The following ADAM32 variants were observed in gnomAD, a reference collection of about 807,000 sequenced individuals.
ADAM32 encodes the protein disintegrin and metalloproteinase domain-containing protein 32.
ADAM32 carries 89 observed loss-of-function variants against 114.9 expected under a neutral mutation model. The observed-to-expected ratio is 0.77, with a 90% CI of 0.65 to 0.92. The LOEUF is 0.92. Ranked by LOEUF, ADAM32 falls within the 40% of genes least tolerant of loss-of-function variation. The pLI, the probability that ADAM32 is intolerant of heterozygous loss-of-function variation, is 0.00. For missense variants in ADAM32, 870 were observed against 932.8 expected (o/e 0.93, Z 0.88); for synonymous variants, 285 against 307.5 (o/e 0.93, Z 0.77).
intron 7 of ADAM32, among the ~76,000 whole-genome samples, chr8:39,164,434 C>T (rs1311745531): frequency 6.6e-6 from 1 of 152,134 alleles, no homozygotes; most frequent in Middle Eastern, 3.2e-3. Flanking sequence ...ATGTTATGGA[C>T]ATTCATGTAC....
chr8:39,266,167 T>C (rs542222497), intron 19 of ADAM32, among the ~76,000 whole-genome samples: 22 of 152,264 alleles, frequency 1.4e-4, no homozygotes, highest in African/African-American at 5.3e-4. Flanking sequence ...GTATGGTATC[T>C]CACAGAGGTT....
intron 19 of ADAM32, among the ~76,000 whole-genome samples, chr8:39,260,844 T>A (rs1811977083): frequency 6.6e-6 from 1 of 152,158 alleles, no homozygotes. Flanking sequence ...ATTATAAAAG[T>A]TTGGTAGAAT....
At chr8:39,181,942 G>T (rs559541586) in intron 10 of ADAM32, among the ~76,000 whole-genome samples, 1 of 152,162 alleles carries the variant, frequency 6.6e-6, no homozygotes, top group Non-Finnish European at 1.5e-5. Flanking sequence ...CAAGGCATAC[G>T]ATAAAATTGT....
chr8:39,119,056 G>A (rs1255047462), intron 2 of ADAM32, among the ~76,000 whole-genome samples: 2 of 152,138 alleles, frequency 1.3e-5, no homozygotes, highest in Non-Finnish European at 2.9e-5. Context: ...CCATTTTGTA[G>A]CATTTATCAG....
intron 11 of ADAM32, among the ~76,000 whole-genome samples, chr8:39,187,303 G>A (rs550978166): frequency 1.1e-4 from 16 of 152,216 alleles, no homozygotes; most frequent in South Asian, 8.3e-4. Flanking sequence ...ATGGAGTCTC[G>A]CTCTTTCGCC....
At chr8:39,189,591 ACATTTAT>A (rs984879438) in intron 11 of ADAM32, among the ~76,000 whole-genome samples, 2 of 152,146 alleles carry the variant, frequency 1.3e-5, no homozygotes, top group African/African-American at 2.4e-5. Context: ...GTCCTCTCAA[ACATTTAT>A]CATTTATTTG....
At chr8:39,236,927 G>C (rs1810188294) in intron 16 of ADAM32, among the ~76,000 whole-genome samples, 1 of 152,176 alleles carries the variant, frequency 6.6e-6, no homozygotes, top group South Asian at 2.1e-4. Flanking sequence ...TTTGCTGCAA[G>C]AACCACTGCA....
chr8:39,160,775 A>G (rs987706920), intron 6 of ADAM32, 122 bp from the exon 7 acceptor site: 4 of 841,564 alleles, frequency 4.8e-6, no homozygotes, highest in Non-Finnish European at 5.3e-6. Context: ...ATTTTAACCA[A>G]TTTGATAAAG....
intron 10 of ADAM32, among the ~76,000 whole-genome samples, chr8:39,173,440 T>C (rs1303938708): frequency 6.6e-6 from 1 of 152,212 alleles, no homozygotes; most frequent in Non-Finnish European, 1.5e-5. Flanking sequence ...GAGTTTTTTT[T>C]TTTCATGTTT....
In ADAM32 at chr8:39,149,677, A is replaced by G. The variant is rs28491462; in HGVS notation, c.277-114A>G. ...AATTTCACCTTACTTGTACTGATAT[A>G]AATCACGGAGCCTGTGAAAAATATT... On this transcript the variant is annotated intron_variant, in intron 4 of 24. Coordinates refer to ENST00000379907, the MANE Select transcript of ADAM32 (RefSeq NM_145004.7). The G allele has an allele frequency of 6.1e-4, 452 of 736,216 alleles. 1 individual carries two copies. In the African/African-American group the frequency reaches 6.7e-3, roughly 11 times the overall value. 45.6% of individuals were successfully genotyped at this position (736,216 alleles called of 1,614,324 possible).
chr8:39,145,273 A>G (rs941847359), intron 3 of ADAM32, among the ~76,000 whole-genome samples: 1 of 152,222 alleles, frequency 6.6e-6, no homozygotes, highest in African/African-American at 2.4e-5. Context: ...CAAAATTCCA[A>G]TGACATTTTT....
At chr8:39,189,859 G>A (rs1006141056) in intron 11 of ADAM32, among the ~76,000 whole-genome samples, 4 of 151,746 alleles carry the variant, frequency 2.6e-5, no homozygotes, top group South Asian at 4.2e-4. Flanking sequence ...GTGCGGTGGC[G>A]CGATCTCGGC....
intron 19 of ADAM32, among the ~76,000 whole-genome samples, chr8:39,267,298 A>T (rs1242833225): frequency 6.6e-6 from 1 of 152,192 alleles, no homozygotes; most frequent in Non-Finnish European, 1.5e-5. Context: ...TACAGTTTAC[A>T]GTTCCTTTTC....
chr8:39,107,684 C>T (rs1474962695), upstream of ADAM32: 9 of 1,540,696 alleles, frequency 5.8e-6, no homozygotes, highest in South Asian at 6.0e-5. Context: ...CATGAACGTG[C>T]GGGGAGCGGC....
intron 12 of ADAM32, among the ~76,000 whole-genome samples, chr8:39,212,874 A>G (rs1421779817): frequency 2.6e-5 from 4 of 152,164 alleles, no homozygotes; most frequent in Non-Finnish European, 5.9e-5. Context: ...AGCATATGAA[A>G]CTTTGAGTTC....
chr8:39,213,369 T>C (rs960574098), intron 12 of ADAM32, among the ~76,000 whole-genome samples: 1 of 152,110 alleles, frequency 6.6e-6, no homozygotes. Flanking sequence ...TTTTGAAGTA[T>C]ACAATAAATT....
chr8:39,155,324 A>C (rs764498688), intron 6 of ADAM32, among the ~76,000 whole-genome samples: 1 of 152,232 alleles, frequency 6.6e-6, no homozygotes, highest in African/African-American at 2.4e-5. Flanking sequence ...ATGTCATTGT[A>C]ATTTATGGTA....
At chr8:39,184,760 A>T (rs1189181286) in intron 10 of ADAM32, among the ~76,000 whole-genome samples, 3 of 152,208 alleles carry the variant, frequency 2.0e-5, no homozygotes, top group South Asian at 2.1e-4. Context: ...AACTCATGTT[A>T]AGTTTTTGCC....
intron 16 of ADAM32, among the ~76,000 whole-genome samples, chr8:39,244,917 C>G (rs1810804954): frequency 6.6e-6 from 1 of 152,040 alleles, no homozygotes; most frequent in African/African-American, 2.4e-5. Flanking sequence ...AAGATAACAT[C>G]AGAAAAACTC....
Sources: gnomAD v4.1 joint callset for allele counts (sites outside exome capture counted in the v4.1 genomes callset) on GRCh38, gnomAD v4.1.1 for gene constraint, MANE v1.5 for transcripts, NCBI Gene and HGNC (gene_info 2026-07-23, HGNC 2026-07-21) for gene names.